Variants in RANBP2 observed in about 807,000 individuals in gnomAD.
RANBP2 encodes E3 SUMO-protein ligase RanBP2.
In RANBP2, 57 loss-of-function variants were observed where a neutral mutation model predicts 303.6. The ratio of observed to expected loss-of-function variants is 0.19; its 90% CI spans 0.15 to 0.23. The LOEUF is 0.23. RANBP2 is among the 10% of genes least tolerant of loss of function. The pLI, the probability that RANBP2 is intolerant of heterozygous loss-of-function variation, is 1.00. For missense variants in RANBP2, 3,138 were observed against 3,780.8 expected (o/e 0.83, Z 4.46); for synonymous variants, 1,167 against 1,301.5 (o/e 0.90, Z 2.23).
the RANBP2 span, among the ~76,000 whole-genome samples, chr2:108,937,279 T>C: frequency 1.3e-5 from 2 of 152,356 alleles, no homozygotes; most frequent in South Asian, 4.1e-4. Flanking sequence ...CAAACTGACC[T>C]TTGGCAGCCC....
chr2:109,384,890 T>C, the RANBP2 span, among the ~76,000 whole-genome samples: 1 of 152,118 alleles, frequency 6.6e-6, no homozygotes, highest in Admixed American at 6.5e-5. Flanking sequence ...CACAGTTCAT[T>C]CTCACACAGC....
chr2:109,412,353 C>T, the RANBP2 span, among the ~76,000 whole-genome samples: 1 of 152,362 alleles, frequency 6.6e-6, no homozygotes, highest in South Asian at 2.1e-4. Context: ...AGGCAGGCCA[C>T]CCTCCCAGTG....
chr2:109,118,881 G>T, the RANBP2 span, among the ~76,000 whole-genome samples: 1 of 152,190 alleles, frequency 6.6e-6, no homozygotes, highest in Non-Finnish European at 1.5e-5. Flanking sequence ...ATTTGAGGGG[G>T]TGAGGCTGGC....
the RANBP2 span, among the ~76,000 whole-genome samples, chr2:109,114,171 C>T: frequency 6.6e-6 from 1 of 152,024 alleles, no homozygotes; most frequent in Non-Finnish European, 1.5e-5. Flanking sequence ...GGGAGGATTC[C>T]CTCTTTTTCT....
chr2:109,234,922 G>A, the RANBP2 span, among the ~76,000 whole-genome samples: 1 of 152,212 alleles, frequency 6.6e-6, no homozygotes, highest in African/African-American at 2.4e-5. Context: ...GTGTTTCTGT[G>A]TATCTGAGTT....
chr2:108,929,202 G>A, the RANBP2 span: 11 of 1,613,904 alleles, frequency 6.8e-6, no homozygotes, highest in Non-Finnish European at 8.5e-6. Flanking sequence ...GCTTACCCAG[G>A]GAGGCAAGGG....
chr2:108,913,908 C>T, the RANBP2 span, among the ~76,000 whole-genome samples: 7 of 148,764 alleles, frequency 4.7e-5, no homozygotes, highest in Admixed American at 3.4e-4. Context: ...TGAGATTGCG[C>T]CACTGCACTC....
the RANBP2 span, among the ~76,000 whole-genome samples, chr2:109,338,837 G>A: frequency 2.6e-5 from 4 of 152,232 alleles, no homozygotes; most frequent in East Asian, 1.9e-4. Flanking sequence ...GAGCCATTGC[G>A]CCAAGTCTTG....
At chr2:108,812,235 C>T in the RANBP2 span, among the ~76,000 whole-genome samples, 1 of 152,164 alleles carries the variant, frequency 6.6e-6, no homozygotes, top group East Asian at 1.9e-4. Context: ...TCAGTATATA[C>T]ACAGACACAT....
the RANBP2 span, among the ~76,000 whole-genome samples, chr2:109,048,598 G>T: frequency 2.0e-5 from 3 of 152,080 alleles, no homozygotes; most frequent in Non-Finnish European, 2.9e-5. Flanking sequence ...TTCAGTGTCT[G>T]CTCTTTTGAG....
the RANBP2 span, among the ~76,000 whole-genome samples, chr2:109,221,445 T>C: frequency 5.3e-5 from 8 of 152,246 alleles, no homozygotes; most frequent in African/African-American, 1.9e-4. Flanking sequence ...TAGCCAAGTG[T>C]GGTGGTGCAC....
At chr2:109,121,867 G>A in the RANBP2 span, among the ~76,000 whole-genome samples, 3 of 152,170 alleles carry the variant, frequency 2.0e-5, no homozygotes, top group African/African-American at 4.8e-5. Flanking sequence ...TCTAACTTAT[G>A]TGTCTAAAAT....
chr2:109,007,042 C>T, the RANBP2 span, among the ~76,000 whole-genome samples: 1 of 152,250 alleles, frequency 6.6e-6, no homozygotes, highest in African/African-American at 2.4e-5. Context: ...ATACAGAAGA[C>T]TCTGTACTCT....
At chr2:109,638,266 A>G in the RANBP2 span, among the ~76,000 whole-genome samples, 1 of 152,232 alleles carries the variant, frequency 6.6e-6, no homozygotes, top group Non-Finnish European at 1.5e-5. Flanking sequence ...AGGCTTTTCA[A>G]GGATTCCTAG....
At chr2:108,866,632 C>T in the RANBP2 span, among the ~76,000 whole-genome samples, 2 of 152,160 alleles carry the variant, frequency 1.3e-5, no homozygotes, top group Non-Finnish European at 2.9e-5. Flanking sequence ...TGCCTGTAAT[C>T]CCAGCACTTT....
the RANBP2 span, among the ~76,000 whole-genome samples, chr2:109,731,093 G>C: frequency 6.6e-6 from 1 of 151,862 alleles, no homozygotes; most frequent in African/African-American, 2.4e-5. Flanking sequence ...CGGCCAAGGG[G>C]CCTCTTTTAT....
At chr2:109,341,645 G>T in the RANBP2 span, among the ~76,000 whole-genome samples, 2 of 152,140 alleles carry the variant, frequency 1.3e-5, no homozygotes, top group Non-Finnish European at 2.9e-5. Flanking sequence ...GTTCTGCAAG[G>T]TCACCCCAAG....
rs1676104373 is a variant in RANBP2, at chr2:108,753,924, A to G, written c.2155A>G (p.Ile719Val). ...TCTGAGAAAGACCAGGGACTACCTA[A>G]TAAAGATTATAGATGACAGTGATTC... is the stretch of plus-strand genomic sequence containing the variant. ...NYLRKTRDYL[I>V]KIIDDSDSNL... Residue 719 changes from isoleucine (I) to valine (V), a missense_variant, in exon 15 of 29, where the codon ATA (isoleucine) becomes GTA (valine). Physicochemically the swap from Ile to Val is conservative, Grantham distance 29 (BLOSUM62 3). This residue lies in a region of RANBP2 where 194 missense variants were observed against 197.4 expected (regional missense o/e 0.98). Transcript: ENST00000283195. The G allele has an allele frequency of 2.5e-6, 4 of 1,611,924 alleles. No homozygotes were observed. The highest frequency in any genetic ancestry group is 1.7e-5 in the Admixed American group (1 of 60,006).
the RANBP2 span, among the ~76,000 whole-genome samples, chr2:109,659,101 G>A: frequency 6.7e-6 from 1 of 149,082 alleles, no homozygotes; most frequent in Non-Finnish European, 1.5e-5. Context: ...TCACAGCCAA[G>A]CGCAGTGGCT....
Sources: allele counts gnomAD v4.1 joint callset (sites outside exome capture counted in the v4.1 genomes callset), GRCh38; gene constraint gnomAD v4.1.1; regional missense constraint gnomAD v4.1.1; transcripts MANE v1.5; gene names NCBI Gene and HGNC (gene_info 2026-07-23, HGNC 2026-07-21).